The following ASB10 variants were observed in gnomAD, a reference collection of about 807,000 sequenced individuals.
ASB10 encodes ankyrin repeat and SOCS box protein 10.
In ASB10, 44 loss-of-function variants were observed where a neutral mutation model predicts 35.4. That is an observed-to-expected ratio of 1.24 (90% CI 0.98 to 1.60). The LOEUF is 1.60. ASB10 is among the 40% of genes most tolerant of loss of function. The pLI is 0.00. For missense variants in ASB10, 647 were observed against 634.3 expected, an observed-to-expected ratio of 1.02 and a Z score of -0.22; for synonymous variants, 294 against 280.4, an observed-to-expected ratio of 1.05 and a Z score of -0.49.
rs112351528 is a variant in ASB10, at chr7:151,187,250, T to G, written c.-120A>C. 3.1e-5 allele frequency: 47 copies of G among 1,520,952 alleles called. 1 individual carries two copies. The African/African-American group carries it at 3.7e-4, about 12-fold the overall frequency. 94.2% of individuals were successfully genotyped at this position (1,520,952 alleles called of 1,614,324 possible). A position where few individuals can be genotyped will look rare whatever the true frequency, so the allele number is the denominator to read the frequency against. On this transcript the variant is annotated 5_prime_UTR_variant, in exon 1 of 6. Transcript: ENST00000420175. The surrounding 1 kb of genome is among the most constrained non-coding windows in gnomAD (Gnocchi z 5.3). ...GCCCCTGTGTCCCACGCTCCGAGGC[T>G]GACCTGGCCACGCATCCAGCAGGAG... is the stretch of plus-strand genomic sequence containing the variant.
chr7:151,178,667 C>T (rs1052162483), intron 3 of ASB10, among the ~76,000 whole-genome samples: 2 of 152,234 alleles, frequency 1.3e-5, no homozygotes, highest in Admixed American at 6.5e-5. Flanking sequence ...GGAGACCCTT[C>T]TGTCTGTCAG....
Position 151,176,593 on chromosome 7 carries a change from G to A in ASB10, c.1188C>T (p.Ala396=), listed in dbSNP as rs1447624202. ...TYSVVQLPEE[A]VGLVTPETLQ... Reference sequence around the variant, plus strand: ...GAGTTTCAGGAGTCACCAGGCCGACGGCCTCCTCGGGAAGCTGCACAACAC... The same window carrying A: ...GAGTTTCAGGAGTCACCAGGCCGACAGCCTCCTCGGGAAGCTGCACAACAC... Residue 396 remains alanine (A), a synonymous_variant, in exon 4 of 6, where the codon GCC becomes GCT. Coordinates refer to ENST00000420175, the MANE Select transcript of ASB10 (RefSeq NM_001142459.2). The A allele has an allele frequency of 2.6e-6, 4 of 1,551,190 alleles. No homozygotes were observed. Among genetic ancestry groups the A allele is most frequent in the African/African-American group, 1.4e-5 (1 of 73,000 alleles).
rs1371098251 is a variant in ASB10, at chr7:151,181,363, T to C, written c.680A>G (p.His227Arg). The C allele has an allele frequency of 6.2e-6, 10 of 1,612,948 alleles. No homozygotes were observed. In the African/African-American group the frequency reaches 8.0e-5, roughly 13 times the overall value. ...TPLHVAARLGHVELADLLLRR... is the reference protein window; with the variant it reads ...TPLHVAARLGRVELADLLLRR... ...TAGAAGCAGATCTGCCAGCTCCACA[T>C]GGCCAAGCCGGGCGGCCACATGCAA... Residue 227 changes from histidine to arginine, a missense_variant, in exon 3 of 6, where the codon CAT (histidine) becomes CGT (arginine). Physicochemically the swap from His to Arg is conservative, Grantham distance 29. Coordinates refer to ENST00000420175, the MANE Select transcript of ASB10 (RefSeq NM_001142459.2).
intron 3 of ASB10, among the ~76,000 whole-genome samples, chr7:151,176,989 A>T (rs1801401679): frequency 6.6e-6 from 1 of 152,254 alleles, no homozygotes; most frequent in Non-Finnish European, 1.5e-5. Context: ...GGAGTGACAC[A>T]TGTACAAGTC....
chr7:151,181,465 G>A lies in ASB10; in HGVS notation c.585-7C>T. ...GAGGAGCAGCTCCGCACACCTATTG[G>A]GGGGAGACGGTGGTGGGGAGGAAAG... On this transcript the variant is annotated splice_region_variant and splice_polypyrimidine_tract_variant and intron_variant, in intron 2 of 5. Transcript: ENST00000420175. The A allele has an allele frequency of 1.9e-6, 3 of 1,571,102 alleles. No individual in the cohort carries two copies. Among genetic ancestry groups the A allele is most frequent in the South Asian group, 1.2e-5 (1 of 85,802 alleles).
rs201096574 is a variant in ASB10, at chr7:151,176,294, G to A, written c.1222C>T (p.His408Tyr). The change falls in exon 5 of 6, where the codon CAT becomes TAT. Residue 408 changes from histidine to tyrosine, a missense_variant. Coordinates refer to ENST00000420175, the MANE Select transcript of ASB10 (RefSeq NM_001142459.2). ...AAGAGGGAGGAGTAGAAACGCTGAT[G>A]TTTCTGGGGGCAGAACAAGGGGCTC... is the stretch of plus-strand genomic sequence containing the variant. Reference protein sequence around the residue: ...GLVTPETLQKHQRFYSSLFAL... With the variant: ...GLVTPETLQKYQRFYSSLFAL... The A allele has an allele frequency of 6.4e-5, 99 of 1,543,416 alleles. No individual in the cohort carries two copies. The highest frequency in any genetic ancestry group is 6.3e-5 in the Non-Finnish European group (72 of 1,145,670).
At chr7:151,178,075 C>T (rs1801421757) in intron 3 of ASB10, among the ~76,000 whole-genome samples, 1 of 152,174 alleles carries the variant, frequency 6.6e-6, no homozygotes, top group Admixed American at 6.5e-5. Flanking sequence ...TGGTGAAACC[C>T]TGTCTCTACT....
chr7:151,185,243 C>T (rs565465548), intron 2 of ASB10, among the ~76,000 whole-genome samples: 3 of 151,144 alleles, frequency 2.0e-5, no homozygotes, highest in Admixed American at 6.6e-5. Context: ...CTCAGCCTCC[C>T]GAGTCGCTGG....
chr7:151,176,585 AGGCCGAC>A lies in ASB10; in HGVS notation c.1189_1195del (p.Val397TrpfsTer2). On this transcript the variant is annotated frameshift_variant, in exon 4 of 6. Transcript: ENST00000420175. LOFTEE classifies it high-confidence loss of function. ...GACCTGCAGAGTTTCAGGAGTCACC[AGGCCGAC>A]GGCCTCCTCGGGAAGCTGCACAACA... 2 of 1,551,310 alleles carry A rather than the reference AGGCCGAC, an allele frequency of 1.3e-6. No homozygotes were observed. The highest frequency in any genetic ancestry group is 1.7e-6 in the Non-Finnish European group (2 of 1,146,926).
chr7:151,183,331 G>A (rs923390774), intron 2 of ASB10, among the ~76,000 whole-genome samples: 3 of 152,212 alleles, frequency 2.0e-5, no homozygotes, highest in African/African-American at 7.2e-5. Context: ...TTTGAGCCAA[G>A]TAGTTTGAGG....
chr7:151,182,510 G>A (rs76274681), intron 2 of ASB10, among the ~76,000 whole-genome samples: 2,588 of 152,122 alleles, frequency 0.017, 104 homozygotes, highest in East Asian at 0.16. Flanking sequence ...CCTGGGAGGT[G>A]GAGACTGCAG....
At chr7:151,176,881 A>G (rs1362151070) in intron 3 of ASB10, among the ~76,000 whole-genome samples, 1 of 152,250 alleles carries the variant, frequency 6.6e-6, no homozygotes, top group East Asian at 1.9e-4. Context: ...GGTGGGCCCT[A>G]TTCAATATGA....
chr7:151,181,439 T>C lies in ASB10; in HGVS notation c.604A>G (p.Arg202Gly). ...CGACCATCCACTCTCGCTCCAAACC[T>C]GAGGAGCAGCTCCGCACACCTATTG... The part of the protein sequence containing the change: ...GTLECAELLL[R>G]FGARVDGRSE... The change falls in exon 3 of 6, where the codon AGG (arginine) becomes GGG (glycine). Residue 202 changes from arginine (R) to glycine (G), a missense_variant. Physicochemically the swap from Arg to Gly is moderately radical, Grantham distance 125. Transcript: ENST00000420175. The C allele has an allele frequency of 6.3e-7, 1 of 1,599,100 alleles. No individual in the cohort carries two copies. The highest frequency in any genetic ancestry group is 8.5e-7 in the Non-Finnish European group (1 of 1,170,394).
chr7:151,179,356 G>A lies in ASB10; in HGVS notation c.1104+1583C>T, dbSNP rs11765269. Among the ~76,000 whole-genome samples, 802 of 152,330 alleles carry A rather than the reference G, an allele frequency of 5.3e-3. 3 individuals are homozygous for A. Among genetic ancestry groups the A allele is most frequent in the Non-Finnish European group, 8.5e-3 (575 of 68,036 alleles). ...GAACTCAGAAGTTGCTGGGAGGACT[G>A]AGGAACTCCTGTAACAGGAAATACA... is the stretch of plus-strand genomic sequence containing the variant. On this transcript the variant is annotated intron_variant, in intron 3 of 5. Coordinates refer to ENST00000420175, the MANE Select transcript of ASB10 (RefSeq NM_001142459.2).
intron 3 of ASB10, 108 bp from the exon 4 acceptor site, chr7:151,176,784 AG>A: frequency 1.3e-6 from 1 of 753,648 alleles, no homozygotes; most frequent in Non-Finnish European, 2.2e-6. Flanking sequence ...GATATATTGA[AG>A]ACCTATCCCC....
At chr7:151,177,163 C>T (rs1014483447) in intron 3 of ASB10, among the ~76,000 whole-genome samples, 4 of 152,270 alleles carry the variant, frequency 2.6e-5, no homozygotes, top group African/African-American at 9.6e-5. Context: ...CTTTAAGCTA[C>T]CCACTTTGTG....
At position 151,175,876 on chromosome 7, in the gene ASB10, G is replaced by T. The variant is rs1801375801; in HGVS notation, c.*91C>A. ...TGCCTGCGGAGCTGGGCCTCCTGCT[G>T]CCAGGGCTACCTGGCCTGAGTTAGT... On this transcript the variant is annotated 3_prime_UTR_variant, in exon 6 of 6. Transcript: ENST00000420175. 3.8e-6 allele frequency: 2 copies of T among 522,818 alleles called. No homozygotes were observed. The highest frequency in any genetic ancestry group is 3.0e-5 in the South Asian group (1 of 33,704). 32.4% of individuals were successfully genotyped at this position (522,818 alleles called of 1,614,324 possible).
intron 5 of ASB10, 22 bp downstream of exon 5, chr7:151,176,090 G>A (rs1801380065): frequency 5.0e-6 from 8 of 1,607,836 alleles, no homozygotes; most frequent in Non-Finnish European, 5.9e-6. Context: ...AGCTGTGACT[G>A]CTCACAGATC....
Position 151,176,158 on chromosome 7 carries a change from C to A in ASB10, c.1358G>T (p.Arg453Leu), listed in dbSNP as rs544876556. 3 of 1,611,832 alleles carry A rather than the reference C, an allele frequency of 1.9e-6. No homozygotes were observed. In the South Asian group the frequency reaches 3.3e-5, roughly 18 times the overall value. The change falls in exon 5 of 6, where the codon CGC becomes CTC. Residue 453 changes from arginine (R) to leucine (L), a missense_variant. By Grantham distance (102) the Arg-to-Leu change is moderately radical. Coordinates refer to ENST00000420175, the MANE Select transcript of ASB10 (RefSeq NM_001142459.2). ...ATCCAGCTGCAGGTAGCGGAGCAGG[C>A]GCGGTGGCAGGGGGAGGCGGGGCAG... is the stretch of plus-strand genomic sequence containing the variant. ...QALPRLPLPPRLLRYLQLDFE... is the reference protein window; with the variant it reads ...QALPRLPLPPLLLRYLQLDFE...
Sources: gnomAD v4.1 joint callset for allele counts (sites outside exome capture counted in the v4.1 genomes callset) on GRCh38, gnomAD v4.1.1 for gene constraint, Gnocchi (gnomAD v3.1) non-coding constraint, MANE v1.5 for transcripts, NCBI Gene and HGNC (gene_info 2026-07-23, HGNC 2026-07-21) for gene names.